Variants in CAMSAP1 observed in about 807,000 individuals in gnomAD.
The protein encoded by CAMSAP1 is calmodulin regulated spectrin associated protein 1, also known as calmodulin-regulated spectrin-associated protein 1.
A neutral mutation model predicts 143.5 loss-of-function variants in CAMSAP1; 58 were observed. The ratio of observed to expected loss-of-function variants is 0.40; its 90% confidence interval spans 0.33 to 0.50. CAMSAP1 has a LOEUF of 0.50. CAMSAP1 is among the 20% of genes least tolerant of loss of function. The pLI is 0.45. For missense variants in CAMSAP1, 1,969 were observed against 2,115.7 expected, an observed-to-expected ratio of 0.93 and a Z score of 1.36; for synonymous variants, 945 against 859.3, an observed-to-expected ratio of 1.10 and a Z score of -1.74.
At chr9:135,891,327 G>A (rs568578404) in intron 1 of CAMSAP1, among the ~76,000 whole-genome samples, 1 of 152,360 alleles carries the variant, frequency 6.6e-6, no homozygotes, top group South Asian at 2.1e-4. Flanking sequence ...GGCTGAGGAA[G>A]AAGGTTCCTC....
rs1835302342 is a variant in CAMSAP1 at position 135,818,070 on chromosome 9, A to C, written c.4178T>G (p.Leu1393Trp). The C allele has an allele frequency of 6.2e-7, 1 of 1,613,538 alleles. No homozygotes were observed. The highest frequency in any genetic ancestry group is 1.3e-5 in the African/African-American group (1 of 74,924). ...GCTGGAGCCTGACTGAGTCCGGCTC[A>C]AGTTATCAGCTGCCAGAGACAGAAA... ...GTKCSSTPDN[L>W]SRTQSGSSLS... Residue 1393 changes from leucine to tryptophan, a missense_variant, in exon 14 of 17, where the codon TTG (leucine) becomes TGG (tryptophan). Leu to Trp is a moderately conservative substitution (Grantham distance 61). This residue lies in a region of CAMSAP1 where 1,390 missense variants were observed against 1,420.8 expected (regional missense o/e 0.98). Transcript: ENST00000389532. The surrounding 1 kb of genome is among the most constrained non-coding windows in gnomAD (Gnocchi z 7.7).
intron 16 of CAMSAP1, among the ~76,000 whole-genome samples, chr9:135,813,087 C>T (rs1034393737): frequency 6.6e-6 from 1 of 152,216 alleles, no homozygotes; most frequent in Non-Finnish European, 1.5e-5. Flanking sequence ...ACCCTCCACA[C>T]GCCTGGGAAT....
chr9:135,882,809 C>A lies in CAMSAP1; in HGVS notation c.423+7G>T. The A allele has an allele frequency of 6.5e-7, 1 of 1,548,286 alleles. No individual in the cohort carries two copies. Among genetic ancestry groups the A allele is most frequent in the Non-Finnish European group, 8.7e-7 (1 of 1,145,738 alleles). ...GCCCCTGGGGGCGGCCACCGCAGACCACTCACCATTTTTATGGGTGCGCGA... is the reference window on the plus strand; with the variant it reads ...GCCCCTGGGGGCGGCCACCGCAGACAACTCACCATTTTTATGGGTGCGCGA... On this transcript the variant is annotated splice_region_variant and intron_variant, in intron 2 of 16. Coordinates refer to ENST00000389532, the MANE Select transcript of CAMSAP1 (RefSeq NM_015447.4). The surrounding 1 kb of genome is among the most constrained non-coding windows in gnomAD (Gnocchi z 4.9).
chr9:135,889,679 C>A (rs1243148251), intron 1 of CAMSAP1, among the ~76,000 whole-genome samples: 3 of 152,212 alleles, frequency 2.0e-5, no homozygotes. Context: ...CTCACTGGGC[C>A]AGGAGGCAGA....
chr9:135,874,210 AG>A (rs1269368452), intron 3 of CAMSAP1, among the ~76,000 whole-genome samples: 1 of 152,184 alleles, frequency 6.6e-6, no homozygotes, highest in East Asian at 1.9e-4. Flanking sequence ...TTAAAATAGA[AG>A]GGAACTCCTG....
At chr9:135,900,431 C>T (rs191712278) in intron 1 of CAMSAP1, among the ~76,000 whole-genome samples, 123 of 152,182 alleles carry the variant, frequency 8.1e-4, no homozygotes, top group African/African-American at 2.8e-3. Context: ...CGGTGGCTCA[C>T]GCCTGTAATC....
chr9:135,811,459 G>A lies in CAMSAP1; in HGVS notation c.4659C>T (p.Asp1553=). The change falls in exon 17 of 17, where the codon GAC becomes GAT. Residue 1553 remains aspartate (D), a synonymous_variant. Transcript: ENST00000389532. This position sits in a 1 kb window ranked among gnomAD's most constrained non-coding sequence, Gnocchi z 4.9. ...GPKNITKKMI[D]KLYKYSSDRK... ...GGTCTGAGCTGTATTTATACAGTTT[G>A]TCGATCATTTTCTTGGTGATGTTCT... is the stretch of plus-strand genomic sequence containing the variant. 1 of 1,612,308 alleles carries A rather than the reference G, an allele frequency of 6.2e-7. No individual in the cohort carries two copies. The highest frequency in any genetic ancestry group is 8.5e-7 in the Non-Finnish European group (1 of 1,179,092).
At chr9:135,850,109 G>A in intron 7 of CAMSAP1, 28 bp downstream of exon 7, 1 of 1,567,672 alleles carries the variant, frequency 6.4e-7, no homozygotes. Flanking sequence ...GGAAACCATT[G>A]CCAACCTGGG....
intron 1 of CAMSAP1, among the ~76,000 whole-genome samples, chr9:135,895,506 G>A (rs137919006): frequency 1.8e-3 from 267 of 152,042 alleles, no homozygotes; most frequent in African/African-American, 4.6e-3. Context: ...AAAATGAAGA[G>A]GAAATAAAGA....
At position 135,821,939 on chromosome 9, in the gene CAMSAP1, G is replaced by C; in HGVS notation, c.2722C>G (p.Leu908Val). The C allele has an allele frequency of 6.2e-7, 1 of 1,612,816 alleles. No homozygotes were observed. Among genetic ancestry groups the C allele is most frequent in the Non-Finnish European group, 8.5e-7 (1 of 1,179,556 alleles). ...KMEALSARQRLKLGKAAFLHV... is the reference protein window; with the variant it reads ...KMEALSARQRVKLGKAAFLHV... Reference sequence around the variant, plus strand: ...AGGAATGCAGCCTTGCCGAGCTTCAGGCGCTGCCTTGCCGACAGCGCCTCC... The same window carrying C: ...AGGAATGCAGCCTTGCCGAGCTTCACGCGCTGCCTTGCCGACAGCGCCTCC... The change falls in exon 11 of 17, where the codon CTG (leucine) becomes GTG (valine). Residue 908 changes from leucine (L) to valine (V), a missense_variant. Around this residue, in one of 4 missense-constraint regions of CAMSAP1, gnomAD observed 1,390 missense variants for 1,420.8 expected, o/e 0.98. Coordinates refer to ENST00000389532, the MANE Select transcript of CAMSAP1 (RefSeq NM_015447.4). The surrounding 1 kb of genome is among the most constrained non-coding windows in gnomAD (Gnocchi z 4.6).
At chr9:135,872,684 T>TATTC (rs1156658961) in intron 3 of CAMSAP1, among the ~76,000 whole-genome samples, 1 of 152,244 alleles carries the variant, frequency 6.6e-6, no homozygotes, top group African/African-American at 2.4e-5. Context: ...GTGCAGCCAC[T>TATTC]ATTCACAAGC....
At position 135,907,116 on chromosome 9, in the gene CAMSAP1, T is replaced by C. The variant is rs1838809102; in HGVS notation, c.44A>G (p.Lys15Arg). The change falls in exon 1 of 17, where the codon AAG becomes AGG. Residue 15 changes from lysine (K) to arginine (R), a missense_variant. Physicochemically the swap from Lys to Arg is conservative, Grantham distance 26. Around this residue, in one of 4 missense-constraint regions of CAMSAP1, gnomAD observed 215 missense variants for 196.2 expected, o/e 1.10. Coordinates refer to ENST00000389532, the MANE Select transcript of CAMSAP1 (RefSeq NM_015447.4). ...SGRAAAEGWR[K>R]MEAPPDGAAD... is the part of the protein sequence containing the mutation. ...GGCGCCGTCCGGCGGGGCCTCCATC[T>C]TCCTCCAGCCCTCGGCGGCGGCGCG... 2 of 1,126,988 alleles carry C rather than the reference T, an allele frequency of 1.8e-6. No homozygotes were observed. The highest frequency in any genetic ancestry group is 1.1e-6 in the Non-Finnish European group (1 of 917,338). 69.8% of individuals were successfully genotyped at this position (1,126,988 alleles called of 1,614,324 possible). A position where few individuals can be genotyped will look rare whatever the true frequency, so the allele number is the denominator to read the frequency against.
intron 1 of CAMSAP1, among the ~76,000 whole-genome samples, chr9:135,883,672 G>A (rs1452608796): frequency 6.6e-6 from 1 of 152,240 alleles, no homozygotes; most frequent in African/African-American, 2.4e-5. Flanking sequence ...AGCAGCAGCA[G>A]CAATCAGCCT....
rs1226017203 is a variant in CAMSAP1 at position 135,824,665 on chromosome 9, A to G, written c.1315+124T>C. ...GGTGACAGAGCAAGACTCCATCTCAAAAAACAAACAAACAAACAAAAAAAT... is the reference window on the plus strand; with the variant it reads ...GGTGACAGAGCAAGACTCCATCTCAGAAAACAAACAAACAAACAAAAAAAT... On this transcript the variant is annotated intron_variant, in intron 9 of 16. Coordinates refer to ENST00000389532, the MANE Select transcript of CAMSAP1 (RefSeq NM_015447.4). The surrounding 1 kb of genome is among the most constrained non-coding windows in gnomAD (Gnocchi z 4.1). 1.3e-6 allele frequency: 1 copy of G among 792,002 alleles called. No individual in the cohort carries two copies. The highest frequency in any genetic ancestry group is 2.9e-5 in the East Asian group (1 of 34,824). The allele number at this position is 792,002 out of a possible 1,614,324, so 49.1% of individuals were successfully genotyped here. A position where few individuals can be genotyped will look rare whatever the true frequency, so the allele number is the denominator to read the frequency against.
Position 135,824,966 on chromosome 9 carries a change from C to A in CAMSAP1, c.1224-86G>T. The A allele has an allele frequency of 9.8e-7, 1 of 1,020,350 alleles. No homozygotes were observed. The highest frequency in any genetic ancestry group is 1.6e-5 in the South Asian group (1 of 63,864). The allele number at this position is 1,020,350 out of a possible 1,614,324, so 63.2% of individuals were successfully genotyped here. ...AAATGCACAAGTGTACAGGACCATC[C>A]TGAATTCACACCAAGTTTTGAGAAA... On this transcript the variant is annotated intron_variant, in intron 8 of 16. Transcript: ENST00000389532. The surrounding 1 kb of genome is among the most constrained non-coding windows in gnomAD (Gnocchi z 4.1).
In CAMSAP1 at chr9:135,808,842, T is replaced by C. The variant is rs1834938543; in HGVS notation, c.*2467A>G. The stretch of plus-strand genomic sequence containing the variant: ...TTCTGGGCTCCCAGAATTCTAGCAT[T>C]ACCAAGGATTTACACATAAACTTCA... On this transcript the variant is annotated 3_prime_UTR_variant, in exon 17 of 17. Coordinates refer to ENST00000389532, the MANE Select transcript of CAMSAP1 (RefSeq NM_015447.4). 1 of 152,250 alleles carries C rather than the reference T, an allele frequency of 6.6e-6. No individual in the cohort carries two copies. The highest frequency in any genetic ancestry group is 2.4e-5 in the African/African-American group (1 of 41,464). 9.4% of individuals were successfully genotyped at this position (152,250 alleles called of 1,614,324 possible). A position where few individuals can be genotyped will look rare whatever the true frequency, so the allele number is the denominator to read the frequency against.
chr9:135,884,142 G>A (rs1252857490), intron 1 of CAMSAP1, among the ~76,000 whole-genome samples: 1 of 152,166 alleles, frequency 6.6e-6, no homozygotes, highest in Non-Finnish European at 1.5e-5. Context: ...GCTAGGAGGT[G>A]CAGATACTCC....
At chr9:135,842,057 A>G (rs983113231) in intron 7 of CAMSAP1, among the ~76,000 whole-genome samples, 3 of 152,224 alleles carry the variant, frequency 2.0e-5, no homozygotes, top group African/African-American at 7.2e-5. Context: ...CCTCTGAGCT[A>G]AAGGAGCATG....
chr9:135,868,854 G>A (rs1425381785), intron 3 of CAMSAP1, among the ~76,000 whole-genome samples: 2 of 151,932 alleles, frequency 1.3e-5, no homozygotes, highest in African/African-American at 4.8e-5. Flanking sequence ...CTGACCTCGT[G>A]ATCCACCTGC....
Sources: gnomAD v4.1 joint callset for allele counts (sites outside exome capture counted in the v4.1 genomes callset) on GRCh38, gnomAD v4.1.1 for gene constraint, gnomAD v4.1.1 regional missense constraint, Gnocchi (gnomAD v3.1) non-coding constraint, MANE v1.5 for transcripts, NCBI Gene and HGNC (gene_info 2026-07-23, HGNC 2026-07-21) for gene names.